ZFYVE1: variants seen among roughly 807,000 people sequenced by gnomAD.
ZFYVE1 encodes the protein zinc finger FYVE domain-containing protein 1.
In ZFYVE1, 30 loss-of-function variants were observed where a neutral mutation model predicts 74.4. The observed-to-expected ratio is 0.40, with a 90% CI of 0.30 to 0.55. The LOEUF (loss-of-function observed/expected upper bound fraction) is 0.55, where lower values mean the gene tolerates loss of function less well. Among genes scored for constraint, ZFYVE1 ranks in the 20% least tolerant of loss-of-function variants. The pLI is 0.42. For missense variants in ZFYVE1, 703 were observed against 1,011.6 expected (o/e 0.69, Z 4.14); for synonymous variants, 335 against 385.1 (o/e 0.87, Z 1.52).
chr14:72,975,506 G>T lies in ZFYVE1; in HGVS notation c.1806+45C>A, dbSNP rs1471546453. The T allele has an allele frequency of 5.7e-6, 9 of 1,579,666 alleles. No individual in the cohort carries two copies. Among genetic ancestry groups the T allele is most frequent in the Non-Finnish European group, 7.7e-6 (9 of 1,163,480 alleles). ...GCACAGGGCAAAGCGGCATTAAGTA[G>T]GATGGGCTGTGCCAGGAGTGGAGGG... On this transcript the variant is annotated intron_variant, in intron 9 of 11. Transcript: ENST00000556143. The surrounding 1 kb of genome is among the most constrained non-coding windows in gnomAD (Gnocchi z 4.1).
At chr14:72,983,384 T>C (rs993328174) in intron 4 of ZFYVE1, among the ~76,000 whole-genome samples, 74 of 125,736 alleles carry the variant, frequency 5.9e-4, no homozygotes, top group African/African-American at 2.1e-3. Context: ...ATGTGTGATG[T>C]TCCCCCCCTT....
intron 2 of ZFYVE1, among the ~76,000 whole-genome samples, chr14:73,023,322 A>ATATATTATATATGTTTT (rs1894374264): frequency 9.9e-6 from 1 of 100,684 alleles, no homozygotes; most frequent in Non-Finnish European, 2.0e-5. Flanking sequence ...TTTTATATAT[A>ATATATTATATATGTTTT]ATATATATTA....
chr14:72,975,658 T>C lies in ZFYVE1; in HGVS notation c.1699A>G (p.Met567Val), dbSNP rs1337946517. ...CTAAGCTCGGACACCGACTGAGCCA[T>C]GAAGTTCATCCCGTCCAACAGGCGC... ...AQRLLDGMNFMAQSVSELSLG... is the reference protein window; with the variant it reads ...AQRLLDGMNFVAQSVSELSLG... The change falls in exon 9 of 12, where the codon ATG becomes GTG. Residue 567 changes from methionine to valine, a missense_variant. Transcript: ENST00000556143. This position sits in a 1 kb window ranked among gnomAD's most constrained non-coding sequence, Gnocchi z 4.1. 1 of 1,614,150 alleles carries C rather than the reference T, an allele frequency of 6.2e-7. No individual in the cohort carries two copies. The highest frequency in any genetic ancestry group is 8.5e-7 in the Non-Finnish European group (1 of 1,180,028).
At chr14:73,015,289 GA>G (rs1894169403) in intron 2 of ZFYVE1, among the ~76,000 whole-genome samples, 1 of 82,284 alleles carries the variant, frequency 1.2e-5, no homozygotes, top group Non-Finnish European at 2.3e-5. Flanking sequence ...AGGAAGGAAG[GA>G]AGGAAAGAAG....
chr14:72,996,467 C>T (rs1396643967), intron 3 of ZFYVE1, among the ~76,000 whole-genome samples: 5 of 152,064 alleles, frequency 3.3e-5, no homozygotes, highest in African/African-American at 1.2e-4. Flanking sequence ...GATCACAGCT[C>T]ACTGCAGCCT....
chr14:73,001,182 TTTTC>T (rs1404515854), intron 2 of ZFYVE1, among the ~76,000 whole-genome samples: 1 of 115,340 alleles, frequency 8.7e-6, no homozygotes, highest in Non-Finnish European at 2.2e-5. Context: ...TTGGTTGTTT[TTTTC>T]TTTTTTTCAC....
chr14:72,997,700 G>T, intron 3 of ZFYVE1, 111 bp downstream of exon 3: 1 of 1,385,294 alleles, frequency 7.2e-7, no homozygotes, highest in Non-Finnish European at 9.8e-7. Context: ...GTCTTCTTTG[G>T]ACAGAAATCT....
chr14:72,982,374 G>A (rs1396820622), intron 4 of ZFYVE1, among the ~76,000 whole-genome samples: 1 of 150,686 alleles, frequency 6.6e-6, no homozygotes, highest in Non-Finnish European at 1.5e-5. Flanking sequence ...ACTCAAAGCA[G>A]GAAAAATGTC....
intron 2 of ZFYVE1, among the ~76,000 whole-genome samples, chr14:73,023,738 T>C (rs1567367231): frequency 1.3e-5 from 2 of 152,228 alleles, no homozygotes; most frequent in East Asian, 3.9e-4. Flanking sequence ...GACCATTTAT[T>C]ATGCGACAGG....
At chr14:73,005,070 G>A (rs1258694522) in intron 2 of ZFYVE1, among the ~76,000 whole-genome samples, 1 of 151,586 alleles carries the variant, frequency 6.6e-6, no homozygotes, top group East Asian at 1.9e-4. Context: ...GCAGGAAAAT[G>A]CTGGCACACT....
chr14:72,973,751 T>C (rs1893094548), intron 11 of ZFYVE1, among the ~76,000 whole-genome samples: 1 of 152,156 alleles, frequency 6.6e-6, no homozygotes, highest in African/African-American at 2.4e-5. Flanking sequence ...TATCAGGTAG[T>C]AACTAGAGCC....
intron 2 of ZFYVE1, among the ~76,000 whole-genome samples, chr14:73,003,346 T>C (rs565518978): frequency 3.1e-4 from 47 of 152,250 alleles, no homozygotes; most frequent in African/African-American, 1.0e-3. Context: ...GTGAACACCT[T>C]GCTGATTCTC....
chr14:73,023,251 T>TTATGTTTTATATATAATATATAA (rs1894363023), intron 2 of ZFYVE1, among the ~76,000 whole-genome samples: 2 of 93,224 alleles, frequency 2.1e-5, no homozygotes, highest in Non-Finnish European at 4.3e-5. Flanking sequence ...AATATATATA[T>TTATGTTTTATATATAATATATAA]TATATGTTTT....
chr14:72,987,679 T>C (rs1227957169), intron 4 of ZFYVE1, among the ~76,000 whole-genome samples: 3 of 152,270 alleles, frequency 2.0e-5, no homozygotes, highest in Non-Finnish European at 2.9e-5. Context: ...AATTCCAGTA[T>C]TGAATATTAA....
chr14:72,978,566 CAAAAAAAAAAAAAA>C (rs58858186), intron 6 of ZFYVE1, among the ~76,000 whole-genome samples: 28 of 50,966 alleles, frequency 5.5e-4, no homozygotes, highest in Admixed American at 9.4e-4. Flanking sequence ...GACTCTGTCT[CAAAAAAAAAAAAAA>C]AAAAAAAAAA....
chr14:72,976,244 G>A (rs1260152580), intron 8 of ZFYVE1, among the ~76,000 whole-genome samples: 1 of 152,208 alleles, frequency 6.6e-6, no homozygotes, highest in East Asian at 1.9e-4. Flanking sequence ...ACAAACAGCA[G>A]GGAAGGCATC....
At chr14:72,985,611 C>T (rs757666928) in intron 4 of ZFYVE1, among the ~76,000 whole-genome samples, 7 of 151,852 alleles carry the variant, frequency 4.6e-5, no homozygotes, top group Non-Finnish European at 8.8e-5. Flanking sequence ...GGGTTACAGG[C>T]GTGAGCCACC....
chr14:73,010,386 G>A (rs982187853), intron 2 of ZFYVE1, among the ~76,000 whole-genome samples: 1 of 152,188 alleles, frequency 6.6e-6, no homozygotes, highest in African/African-American at 2.4e-5. Context: ...CAGATCACCT[G>A]AGGTCGGGAG....
intron 4 of ZFYVE1, among the ~76,000 whole-genome samples, chr14:72,986,514 G>A (rs1893485078): frequency 2.7e-5 from 4 of 147,198 alleles, no homozygotes; most frequent in East Asian, 2.0e-4. Flanking sequence ...GCATGTTTTA[G>A]ATGCAAGAGT....
Sources: gnomAD v4.1 joint callset for allele counts (sites outside exome capture counted in the v4.1 genomes callset) on GRCh38, gnomAD v4.1.1 for gene constraint, Gnocchi (gnomAD v3.1) non-coding constraint, MANE v1.5 for transcripts, NCBI Gene and HGNC (gene_info 2026-07-23, HGNC 2026-07-21) for gene names.